SNAP91: variants seen among roughly 807,000 people sequenced by gnomAD.
The protein encoded by SNAP91 is clathrin coat assembly protein AP180.
Under a neutral mutation model 100.3 loss-of-function variants are expected in SNAP91, and 27 were observed. The ratio of observed to expected loss-of-function variants is 0.27; its 90% CI spans 0.20 to 0.37. The LOEUF is 0.37. Ranked by LOEUF, SNAP91 falls within the 10% of genes least tolerant of loss-of-function variation. The pLI is 1.00. For synonymous variants in SNAP91, 404 were observed against 398.6 expected (o/e 1.01, Z -0.16); for missense variants, 986 against 1,123.7 (o/e 0.88, Z 1.75).
At chr6:83,610,738 TA>T (rs2095985593) in intron 11 of SNAP91, 61 bp from the exon 12 acceptor site, 1 of 190,600 alleles carries the variant, frequency 5.2e-6, no homozygotes, top group East Asian at 9.7e-5. Flanking sequence ...TATATATATA[TA>T]TATATATAAA....
At chr6:83,691,578 A>G (rs1312631732) in intron 2 of SNAP91, among the ~76,000 whole-genome samples, 5 of 152,142 alleles carry the variant, frequency 3.3e-5, no homozygotes, top group African/African-American at 7.2e-5. Context: ...TTAGTGCTCA[A>G]TGCAAATATA....
chr6:83,680,119 TA>T (rs2098967273), intron 2 of SNAP91, among the ~76,000 whole-genome samples: 1 of 152,036 alleles, frequency 6.6e-6, no homozygotes, highest in Admixed American at 6.6e-5. Flanking sequence ...TTATGCCAAA[TA>T]AAAGGCTAGA....
intron 13 of SNAP91, 126 bp downstream of exon 13, chr6:83,607,573 G>GT (rs946222355): frequency 5.3e-6 from 3 of 564,170 alleles, no homozygotes; most frequent in Admixed American, 6.7e-5. Context: ...ACTTTGTGTA[G>GT]TAAAAACTTC....
At position 83,593,707 on chromosome 6, in the gene SNAP91, A is replaced by T. The variant is rs367840846; in HGVS notation, c.1467T>A (p.Ala489=). The change falls in exon 18 of 30, where the codon GCT becomes GCA. Residue 489 remains alanine, a synonymous_variant. Transcript: ENST00000369694. The part of the protein sequence containing the change: ...PFAPSEGSAE[A]APELDLFAMK... ...TTGCAAAGAGGTCCAGCTCAGGTGC[A>T]GCCTCTGCACTACCTTCAGACGGGG... 1 of 1,604,078 alleles carries T rather than the reference A, an allele frequency of 6.2e-7. No homozygotes were observed. The highest frequency in any genetic ancestry group is 2.2e-5 in the East Asian group (1 of 44,656).
chr6:83,612,931 T>C (rs1583777254), intron 11 of SNAP91, among the ~76,000 whole-genome samples: 1 of 142,314 alleles, frequency 7.0e-6, no homozygotes, highest in Admixed American at 7.0e-5. Context: ...GCTTTAGAAA[T>C]ACATTTCCAA....
At chr6:83,659,661 A>T (rs1586148782) in intron 5 of SNAP91, among the ~76,000 whole-genome samples, 1 of 151,818 alleles carries the variant, frequency 6.6e-6, no homozygotes, top group Non-Finnish European at 1.5e-5. Flanking sequence ...TAAACTCCTG[A>T]CCTCACAGAG....
chr6:83,653,207 A>C (rs529806793), intron 7 of SNAP91, among the ~76,000 whole-genome samples: 2 of 152,016 alleles, frequency 1.3e-5, no homozygotes, highest in African/African-American at 4.8e-5. Flanking sequence ...CTGGTATTCC[A>C]TTATACATAT....
chr6:83,691,082 TAAC>T (rs955011304), intron 2 of SNAP91, among the ~76,000 whole-genome samples: 2 of 152,070 alleles, frequency 1.3e-5, no homozygotes, highest in Admixed American at 6.6e-5. Flanking sequence ...AGGAAATACA[TAAC>T]AACACATATG....
At chr6:83,634,491 C>T (rs2097349560) in intron 8 of SNAP91, among the ~76,000 whole-genome samples, 1 of 152,126 alleles carries the variant, frequency 6.6e-6, no homozygotes, top group South Asian at 2.1e-4. Context: ...GTCTGTGGGT[C>T]ATCTCAGGTT....
rs1774005689 is a variant in SNAP91, at chr6:83,553,839, T to G, written c.*457A>C. ...ATATTTATGAGTGTTTTCCTTATTA[T>G]CTGGTATTATCACACTACGCTTGTA... On this transcript the variant is annotated 3_prime_UTR_variant, in exon 30 of 30. Transcript: ENST00000369694. 6.6e-6 allele frequency: 1 copy of G among 152,216 alleles called. No individual in the cohort carries two copies. Among genetic ancestry groups the G allele is most frequent in the South Asian group, 2.1e-4 (1 of 4,832 alleles). The allele number at this position is 152,216 out of a possible 1,614,324, so 9.4% of individuals were successfully genotyped here.
At chr6:83,564,699 C>A (rs904616759) in intron 26 of SNAP91, among the ~76,000 whole-genome samples, 3 of 151,898 alleles carry the variant, frequency 2.0e-5, no homozygotes, top group Non-Finnish European at 2.9e-5. Flanking sequence ...TCTGAGACAA[C>A]TGAACCTCCA....
chr6:83,583,189 GCACCCCACCCA>G (rs1830859943), intron 22 of SNAP91, among the ~76,000 whole-genome samples: 1 of 152,024 alleles, frequency 6.6e-6, no homozygotes, highest in Non-Finnish European at 1.5e-5. Context: ...ACTACCAGCT[GCACCCCACCCA>G]CATCCCCATA....
At chr6:83,646,805 A>T (rs899683651) in intron 7 of SNAP91, among the ~76,000 whole-genome samples, 1 of 152,178 alleles carries the variant, frequency 6.6e-6, no homozygotes, top group Non-Finnish European at 1.5e-5. Flanking sequence ...ACAGTATTGA[A>T]CCTTCTTATC....
In SNAP91 at chr6:83,687,334, GAAT is replaced by G. The variant is rs1216483184; in HGVS notation, c.130+20461_130+20463del. On this transcript the variant is annotated intron_variant, in intron 2 of 29. Transcript: ENST00000369694. ...TTATTTCATGTCCTTCAGGATATAA[GAAT>G]AATAATATCCTACATGGGCCATATG... is the stretch of plus-strand genomic sequence containing the variant. 3.9e-5 allele frequency among the ~76,000 whole-genome samples: 6 copies of G among 152,174 alleles called. No individual in the cohort carries two copies. The East Asian group carries it at 5.8e-4, about 15-fold the overall frequency.
At chr6:83,645,979 T>C (rs754903570) in intron 7 of SNAP91, among the ~76,000 whole-genome samples, 2 of 152,160 alleles carry the variant, frequency 1.3e-5, no homozygotes, top group Admixed American at 6.5e-5. Flanking sequence ...CGCCTTTTCA[T>C]GGATTGATAT....
intron 8 of SNAP91, among the ~76,000 whole-genome samples, chr6:83,630,179 C>T (rs2097149101): frequency 6.6e-6 from 1 of 152,064 alleles, no homozygotes; most frequent in East Asian, 1.9e-4. Flanking sequence ...GTTAAACCTT[C>T]CCTGCATCCC....
intron 22 of SNAP91, among the ~76,000 whole-genome samples, chr6:83,585,843 T>A (rs1221554915): frequency 6.6e-6 from 1 of 151,746 alleles, no homozygotes; most frequent in Non-Finnish European, 1.5e-5. Flanking sequence ...AGTACAATTT[T>A]TTTTTCTTTC....
At chr6:83,584,155 G>A (rs534090960) in intron 22 of SNAP91, among the ~76,000 whole-genome samples, 7 of 152,080 alleles carry the variant, frequency 4.6e-5, no homozygotes, top group East Asian at 3.9e-4. Flanking sequence ...ACATTACCCC[G>A]TACCTCAAGT....
At chr6:83,694,986 G>A (rs963999405) in intron 2 of SNAP91, among the ~76,000 whole-genome samples, 5 of 152,016 alleles carry the variant, frequency 3.3e-5, no homozygotes, top group African/African-American at 1.2e-4. Context: ...AACGAAAACT[G>A]TGGGGCCGGG....
Sources: allele counts gnomAD v4.1 joint callset (sites outside exome capture counted in the v4.1 genomes callset), GRCh38; gene constraint gnomAD v4.1.1; transcripts MANE v1.5; gene names NCBI Gene and HGNC (gene_info 2026-07-23, HGNC 2026-07-21).